Variants in MPPED2 observed in about 807,000 individuals in gnomAD.
MPPED2 encodes the protein metallophosphoesterase MPPED2.
A neutral mutation model predicts 33.0 loss-of-function variants in MPPED2; 5 were observed. That is an observed-to-expected ratio of 0.15 (90% confidence interval 0.08 to 0.32). The LOEUF (loss-of-function observed/expected upper bound fraction) is 0.32. Ranked by LOEUF, MPPED2 falls within the 10% of genes least tolerant of loss-of-function variation. The probability of loss-of-function intolerance (pLI) is 1.00; values close to 1 mark genes in which losing one functional copy is unlikely to be tolerated. For missense variants in MPPED2, 275 were observed against 372.1 expected, an observed-to-expected ratio of 0.74 and a Z score of 2.15; for synonymous variants, 136 against 141.9, an observed-to-expected ratio of 0.96 and a Z score of 0.29.
Position 30,536,133 on chromosome 11 carries a change from G to A in MPPED2, c.171C>T (p.His57=). 6.2e-7 allele frequency: 1 copy of A among 1,612,268 alleles called. No individual in the cohort carries two copies. The highest frequency in any genetic ancestry group is 8.5e-7 in the Non-Finnish European group (1 of 1,179,346). The change falls in exon 3 of 7, where the codon CAC becomes CAT. Residue 57 remains histidine, a synonymous_variant. Coordinates refer to ENST00000358117, the MANE Select transcript of MPPED2 (RefSeq NM_001584.3). ...IPYDTPKPAG[H]TRFVCISDTH... is the part of the protein sequence containing the mutation. ...TGTCTGAGATGCAGACAAACCGCGT[G>A]TGGCCCGCTGGTTTTGGAGTGTCAT...
intron 4 of MPPED2, among the ~76,000 whole-genome samples, chr11:30,455,131 C>G (rs769541866): frequency 6.6e-6 from 1 of 152,212 alleles, no homozygotes; most frequent in Non-Finnish European, 1.5e-5. Context: ...TCCCAGTTGT[C>G]CCAAGAAGTT....
At chr11:30,563,002 TC>T (rs1379556200) in intron 2 of MPPED2, among the ~76,000 whole-genome samples, 4 of 152,152 alleles carry the variant, frequency 2.6e-5, no homozygotes, top group African/African-American at 9.7e-5. Flanking sequence ...AATTTGTTCA[TC>T]AATAATTATT....
At chr11:30,585,592 T>C (rs970739401) in intron 1 of MPPED2, among the ~76,000 whole-genome samples, 1 of 149,962 alleles carries the variant, frequency 6.7e-6, no homozygotes, top group African/African-American at 2.4e-5. Context: ...CCCACCCCCA[T>C]CCCCGCCGCC....
At chr11:30,551,811 C>A (rs1955727657) in intron 2 of MPPED2, among the ~76,000 whole-genome samples, 1 of 152,166 alleles carries the variant, frequency 6.6e-6, no homozygotes, top group Non-Finnish European at 1.5e-5. Flanking sequence ...GTTACTCAAC[C>A]TCATACTTCA....
intron 3 of MPPED2, among the ~76,000 whole-genome samples, chr11:30,533,770 A>T (rs1057217886): frequency 1.3e-5 from 2 of 152,278 alleles, no homozygotes; most frequent in South Asian, 4.1e-4. Context: ...GTCTCACCAG[A>T]TCATAGGGGA....
intron 4 of MPPED2, among the ~76,000 whole-genome samples, chr11:30,434,073 C>T (rs1949209864): frequency 6.6e-6 from 1 of 152,156 alleles, no homozygotes; most frequent in Non-Finnish European, 1.5e-5. Context: ...GTTGTGGGGA[C>T]CCATGTGATT....
intron 4 of MPPED2, among the ~76,000 whole-genome samples, chr11:30,476,059 A>G (rs1951179427): frequency 6.6e-6 from 1 of 151,996 alleles, no homozygotes; most frequent in Non-Finnish European, 1.5e-5. Context: ...TGAAGAGTCA[A>G]TTCAAACTTC....
intron 4 of MPPED2, among the ~76,000 whole-genome samples, chr11:30,494,443 A>C (rs1402681705): frequency 6.6e-6 from 1 of 152,088 alleles, no homozygotes; most frequent in Non-Finnish European, 1.5e-5. Context: ...AGGATAGAAA[A>C]TATTAGAAAA....
At chr11:30,533,021 A>G (rs1238730856) in intron 3 of MPPED2, among the ~76,000 whole-genome samples, 2 of 152,206 alleles carry the variant, frequency 1.3e-5, no homozygotes, top group African/African-American at 2.4e-5. Flanking sequence ...CAGCTACTCA[A>G]CTTCCACATG....
intron 4 of MPPED2, among the ~76,000 whole-genome samples, chr11:30,422,611 C>G (rs1463810112): frequency 6.6e-6 from 1 of 152,070 alleles, no homozygotes. Flanking sequence ...CTCCAGAGCC[C>G]CACAATGGGT....
intron 4 of MPPED2, among the ~76,000 whole-genome samples, chr11:30,423,139 A>G (rs1383573502): frequency 6.6e-6 from 1 of 152,206 alleles, no homozygotes; most frequent in African/African-American, 2.4e-5. Flanking sequence ...GGAGGTGCCA[A>G]GCCATAAATC....
chr11:30,441,291 A>G (rs1403213709), intron 4 of MPPED2: 1 of 152,234 alleles, frequency 6.6e-6, no homozygotes, highest in African/African-American at 2.4e-5. Context: ...TTATTGCTGG[A>G]AACACATGCT....
chr11:30,506,308 T>C (rs1275979158), intron 3 of MPPED2, among the ~76,000 whole-genome samples: 1 of 152,186 alleles, frequency 6.6e-6, no homozygotes, highest in Non-Finnish European at 1.5e-5. Flanking sequence ...CCTCCCAAAG[T>C]GCTGGGATTA....
chr11:30,446,167 A>G (rs1949800466), intron 4 of MPPED2, among the ~76,000 whole-genome samples: 1 of 152,216 alleles, frequency 6.6e-6, no homozygotes, highest in Non-Finnish European at 1.5e-5. Flanking sequence ...GTCAAAGGCT[A>G]TGAGTTCCTT....
chr11:30,524,425 T>C (rs1251388943), intron 3 of MPPED2, among the ~76,000 whole-genome samples: 1 of 152,162 alleles, frequency 6.6e-6, no homozygotes, highest in Non-Finnish European at 1.5e-5. Flanking sequence ...GTAGACTCCA[T>C]TCCATCTGTT....
chr11:30,549,564 A>G (rs1222871582), intron 2 of MPPED2, among the ~76,000 whole-genome samples: 2 of 152,212 alleles, frequency 1.3e-5, no homozygotes, highest in East Asian at 3.8e-4. Flanking sequence ...TAACTCAGGA[A>G]TATCAACTGT....
downstream of MPPED2, among the ~76,000 whole-genome samples, chr11:30,405,772 T>C: frequency 6.6e-6 from 1 of 152,194 alleles, no homozygotes; most frequent in Admixed American, 6.5e-5. Flanking sequence ...CTTTTTTTCT[T>C]TTTTTTCTCT....
chr11:30,462,435 T>TA (rs1195481540), intron 4 of MPPED2, among the ~76,000 whole-genome samples: 1 of 152,154 alleles, frequency 6.6e-6, no homozygotes, highest in Non-Finnish European at 1.5e-5. Context: ...CGCTCTGCAT[T>TA]AAAAAATCAC....
At chr11:30,432,853 A>G (rs1656248025) in intron 4 of MPPED2, among the ~76,000 whole-genome samples, 1 of 152,230 alleles carries the variant, frequency 6.6e-6, no homozygotes, top group Admixed American at 6.5e-5. Flanking sequence ...TTGGAGCTAA[A>G]GTGTCATGGT....
Sources: allele counts gnomAD v4.1 joint callset (sites outside exome capture counted in the v4.1 genomes callset), GRCh38; gene constraint gnomAD v4.1.1; transcripts MANE v1.5; gene names NCBI Gene and HGNC (gene_info 2026-07-23, HGNC 2026-07-21).